The following PAPPA variants were observed in gnomAD, a reference collection of about 807,000 sequenced individuals.
The protein encoded by PAPPA is pappalysin-1.
A neutral mutation model predicts 164.0 loss-of-function variants in PAPPA; 60 were observed. The ratio of observed to expected loss-of-function variants is 0.37; its 90% CI spans 0.30 to 0.45. PAPPA has a LOEUF of 0.45. Among genes scored for constraint, PAPPA ranks in the 20% least tolerant of loss-of-function variants. The pLI, the probability that PAPPA is intolerant of heterozygous loss-of-function variation, is 1.00. For missense variants in PAPPA, 1,782 were observed against 2,087.3 expected, an observed-to-expected ratio of 0.85 and a Z score of 2.85; for synonymous variants, 875 against 814.1, an observed-to-expected ratio of 1.07 and a Z score of -1.27.
chr9:116,249,542 T>C (rs948050448), intron 7 of PAPPA, among the ~76,000 whole-genome samples: 2 of 152,064 alleles, frequency 1.3e-5, no homozygotes, highest in Non-Finnish European at 2.9e-5. Flanking sequence ...TGGCTGTGTG[T>C]GTATGTCTGG....
chr9:116,177,747 A>T (rs186743860), intron 1 of PAPPA, among the ~76,000 whole-genome samples: 20 of 152,334 alleles, frequency 1.3e-4, no homozygotes, highest in African/African-American at 3.6e-4. Flanking sequence ...TCTCTCTTCC[A>T]AGACAGCCCC....
chr9:116,212,162 A>G (rs889152281), intron 4 of PAPPA, among the ~76,000 whole-genome samples: 1 of 152,214 alleles, frequency 6.6e-6, no homozygotes, highest in African/African-American at 2.4e-5. Context: ...AATGTGCAGC[A>G]CATTTTTCTA....
At chr9:116,156,502 G>A (rs1285342117) in intron 1 of PAPPA, among the ~76,000 whole-genome samples, 1 of 151,724 alleles carries the variant, frequency 6.6e-6, no homozygotes, top group Non-Finnish European at 1.5e-5. Context: ...TAATTGGATG[G>A]GGGGCGTTAG....
chr9:116,336,611 C>A (rs1233632129), intron 13 of PAPPA, among the ~76,000 whole-genome samples: 1 of 152,166 alleles, frequency 6.6e-6, no homozygotes, highest in African/African-American at 2.4e-5. Context: ...TTTGAATTCT[C>A]GACGAATGGT....
At chr9:116,340,244 T>C (rs1445180914) in intron 13 of PAPPA, among the ~76,000 whole-genome samples, 1 of 152,264 alleles carries the variant, frequency 6.6e-6, no homozygotes, top group Non-Finnish European at 1.5e-5. Context: ...TTTTGTTTTT[T>C]GTTTTTGTGT....
At chr9:116,371,440 AAT>A (rs1467245735) in intron 19 of PAPPA, among the ~76,000 whole-genome samples, 1 of 152,206 alleles carries the variant, frequency 6.6e-6, no homozygotes, top group African/African-American at 2.4e-5. Context: ...GATAATTAAA[AAT>A]AAACACTGAG....
At chr9:116,266,950 G>A (rs2118815877) in intron 8 of PAPPA, among the ~76,000 whole-genome samples, 1 of 152,288 alleles carries the variant, frequency 6.6e-6, no homozygotes, top group South Asian at 2.1e-4. Flanking sequence ...CATTACATGT[G>A]GAGAAGGCAA....
intron 8 of PAPPA, among the ~76,000 whole-genome samples, chr9:116,270,117 C>G (rs1798825895): frequency 6.6e-6 from 1 of 152,190 alleles, no homozygotes; most frequent in African/African-American, 2.4e-5. Flanking sequence ...GAGGGAGGGA[C>G]AGCTGTCACA....
chr9:116,225,834 C>A (rs1204219343), intron 5 of PAPPA, among the ~76,000 whole-genome samples: 5 of 152,098 alleles, frequency 3.3e-5, no homozygotes, highest in Non-Finnish European at 7.4e-5. Context: ...TCCATCCATC[C>A]ATCCATCCAT....
At chr9:116,252,723 C>T (rs2118783261) in intron 7 of PAPPA, among the ~76,000 whole-genome samples, 1 of 152,296 alleles carries the variant, frequency 6.6e-6, no homozygotes, top group East Asian at 1.9e-4. Flanking sequence ...TGATTCAAGC[C>T]CCAACATCTC....
At position 116,265,934 on chromosome 9, in the gene PAPPA, C is replaced by T; in HGVS notation, c.2810C>T (p.Ala937Val). Residue 937 changes from alanine to valine, a missense_variant, in exon 8 of 22, where the codon GCT becomes GTT. Physicochemically the swap from Ala to Val is moderately conservative, Grantham distance 64 (BLOSUM62 0). This residue lies in a region of PAPPA where 1,324 missense variants were observed against 1,656.9 expected (regional missense o/e 0.80). Coordinates refer to ENST00000328252, the MANE Select transcript of PAPPA (RefSeq NM_002581.5). The stretch of plus-strand genomic sequence containing the variant: ...ACTGAAGAGAGTGAGCCATCACCTG[C>T]TGTCACATACATCCATGGAAGTGGG... Reference protein sequence around the residue: ...SGTEESEPSPAVTYIHGSGYC... With the variant: ...SGTEESEPSPVVTYIHGSGYC... 1 of 1,612,680 alleles carries T rather than the reference C, an allele frequency of 6.2e-7. No homozygotes were observed. The highest frequency in any genetic ancestry group is 8.5e-7 in the Non-Finnish European group (1 of 1,178,754).
rs190908046 is a variant in PAPPA at position 116,252,913 on chromosome 9, A to G, written c.2733-12944A>G. 2.8e-3 allele frequency among the ~76,000 whole-genome samples: 428 copies of G among 152,228 alleles called. 3 individuals carry two copies. Among genetic ancestry groups the G allele is most frequent in the South Asian group, 0.018 (85 of 4,830 alleles). On this transcript the variant is annotated intron_variant, in intron 7 of 21. Coordinates refer to ENST00000328252, the MANE Select transcript of PAPPA (RefSeq NM_002581.5). ...TCAGAGCACTATACTTATCACTCAC[A>G]TTTTTTGATATGTGTGCTTTCTCAA...
chr9:116,331,428 T>C, intron 11 of PAPPA, 71 bp downstream of exon 11: 1 of 887,356 alleles, frequency 1.1e-6, no homozygotes, highest in Non-Finnish European at 1.9e-6. Flanking sequence ...CCCATGACCC[T>C]TTCTGAAGAT....
At chr9:116,258,953 G>A (rs1316245344) in intron 7 of PAPPA, among the ~76,000 whole-genome samples, 1 of 151,848 alleles carries the variant, frequency 6.6e-6, no homozygotes, top group Non-Finnish European at 1.5e-5. Flanking sequence ...GGCCAACATG[G>A]TAAAACCCCA....
At chr9:116,358,480 T>C (rs775307635) in intron 17 of PAPPA, among the ~76,000 whole-genome samples, 2 of 152,194 alleles carry the variant, frequency 1.3e-5, no homozygotes, top group African/African-American at 4.8e-5. Context: ...CATCTGGCAT[T>C]ATTGCCCCAT....
At chr9:116,261,829 A>G (rs1478094860) in intron 7 of PAPPA, among the ~76,000 whole-genome samples, 1 of 152,104 alleles carries the variant, frequency 6.6e-6, no homozygotes, top group Non-Finnish European at 1.5e-5. Flanking sequence ...ATACAACCCT[A>G]TGGCACATAT....
chr9:116,264,228 C>A (rs1845038382), intron 7 of PAPPA, among the ~76,000 whole-genome samples: 1 of 152,026 alleles, frequency 6.6e-6, no homozygotes, highest in Non-Finnish European at 1.5e-5. Flanking sequence ...GATAAAGTAG[C>A]CAATAAGCTA....
chr9:116,200,022 C>T (rs1015441189), intron 2 of PAPPA, among the ~76,000 whole-genome samples: 1 of 152,166 alleles, frequency 6.6e-6, no homozygotes, highest in Non-Finnish European at 1.5e-5. Context: ...ACACCTTCCA[C>T]TAGGCTCCAC....
chr9:116,176,512 G>T (rs1235554648), intron 1 of PAPPA, among the ~76,000 whole-genome samples: 1 of 152,106 alleles, frequency 6.6e-6, no homozygotes, highest in Non-Finnish European at 1.5e-5. Context: ...ATTTTACCAA[G>T]TAACAGAAGA....
Sources: gnomAD v4.1 joint callset for allele counts (sites outside exome capture counted in the v4.1 genomes callset) on GRCh38, gnomAD v4.1.1 for gene constraint, gnomAD v4.1.1 regional missense constraint, MANE v1.5 for transcripts, NCBI Gene and HGNC (gene_info 2026-07-23, HGNC 2026-07-21) for gene names.